Variants in ARHGEF10 observed in about 807,000 individuals in gnomAD.
ARHGEF10 encodes the protein Rho guanine nucleotide exchange factor (GEF) 10.
In ARHGEF10, 140 loss-of-function variants were observed where a neutral mutation model predicts 147.4. The observed-to-expected ratio is 0.95, with a 90% CI of 0.83 to 1.09. The LOEUF (loss-of-function observed/expected upper bound fraction) is 1.09, where lower values mean the gene tolerates loss of function less well. Among genes scored for constraint, ARHGEF10 ranks in the 50% least tolerant of loss-of-function variants. The pLI is 0.00. For missense variants in ARHGEF10, 2,222 were observed against 1,752.7 expected, an observed-to-expected ratio of 1.27 and a Z score of -4.78; for synonymous variants, 902 against 695.8, an observed-to-expected ratio of 1.30 and a Z score of -4.67.
In ARHGEF10 at chr8:1,894,417, A is replaced by G; in HGVS notation, c.1285A>G (p.Met429Val). Residue 429 changes from methionine to valine, a missense_variant, in exon 13 of 29, where the codon ATG becomes GTG. By Grantham distance (21) the Met-to-Val change is conservative. Coordinates refer to ENST00000349830, the MANE Select transcript of ARHGEF10 (RefSeq NM_014629.4). The stretch of plus-strand genomic sequence containing the variant: ...GCAATATGAGAAGCCGCTGTCTGAG[A>G]TGGAGCCAAAGGTTCTGAGTGAGAG... ...LEQYEKPLSE[M>V]EPKVLSERKL... The G allele has an allele frequency of 1.2e-6, 2 of 1,614,220 alleles. No individual in the cohort carries two copies. Among genetic ancestry groups the G allele is most frequent in the Non-Finnish European group, 1.7e-6 (2 of 1,180,042 alleles).
At chr8:1,901,356 G>C (rs977109314) in intron 15 of ARHGEF10, among the ~76,000 whole-genome samples, 1 of 152,104 alleles carries the variant, frequency 6.6e-6, no homozygotes, top group African/African-American at 2.4e-5. Context: ...CGTTCTTCCT[G>C]GTTAGTGCTC....
intron 1 of ARHGEF10, among the ~76,000 whole-genome samples, chr8:1,837,497 T>C (rs1056977181): frequency 4.6e-5 from 7 of 152,082 alleles, no homozygotes; most frequent in Non-Finnish European, 4.4e-5. Context: ...ACAAATAGCA[T>C]GAATGAGATT....
At chr8:1,825,587 A>T (rs1802725404) in intron 1 of ARHGEF10, among the ~76,000 whole-genome samples, 1 of 149,928 alleles carries the variant, frequency 6.7e-6, no homozygotes, top group Non-Finnish European at 1.5e-5. Flanking sequence ...CCCTAGGTCC[A>T]CAGACGCCCT....
intron 16 of ARHGEF10, among the ~76,000 whole-genome samples, chr8:1,905,041 A>T (rs1810772725): frequency 6.6e-6 from 1 of 152,168 alleles, no homozygotes; most frequent in Non-Finnish European, 1.5e-5. Context: ...AGGCACGAGA[A>T]TCAATTGAAC....
At chr8:1,933,172 G>C (rs1185306175) in intron 25 of ARHGEF10, among the ~76,000 whole-genome samples, 1 of 152,134 alleles carries the variant, frequency 6.6e-6, no homozygotes, top group Non-Finnish European at 1.5e-5. Context: ...TCAAAAGTAA[G>C]GAATTCCTTT....
Position 1,898,452 on chromosome 8 carries a change from C to T in ARHGEF10, c.1577C>T (p.Pro526Leu). The T allele has an allele frequency of 6.2e-7, 1 of 1,614,044 alleles. No homozygotes were observed. Among genetic ancestry groups the T allele is most frequent in the Non-Finnish European group, 8.5e-7 (1 of 1,179,992 alleles). The change falls in exon 15 of 29, where the codon CCC becomes CTC. Residue 526 changes from proline (P) to leucine (L), a missense_variant. Transcript: ENST00000349830. The stretch of plus-strand genomic sequence containing the variant: ...CCACAGCAGGAACAGGAGGCCAGCC[C>T]CGATCGAACCACGCTCTACAGCCTG... ...EFLKQEQEAS[P>L]DRTTLYSLMM...
At chr8:1,933,193 T>G (rs1813289775) in intron 25 of ARHGEF10, among the ~76,000 whole-genome samples, 1 of 152,234 alleles carries the variant, frequency 6.6e-6, no homozygotes, top group African/African-American at 2.4e-5. Flanking sequence ...TACCTCAATT[T>G]TGATTTCTTA....
At chr8:1,912,529 T>G (rs1467254388) in intron 18 of ARHGEF10, among the ~76,000 whole-genome samples, 1 of 151,928 alleles carries the variant, frequency 6.6e-6, no homozygotes, top group East Asian at 1.9e-4. Flanking sequence ...CCGTGTGGAT[T>G]GTGGGTTTGC....
At chr8:1,837,930 C>T (rs770765507) in intron 1 of ARHGEF10, among the ~76,000 whole-genome samples, 1 of 152,202 alleles carries the variant, frequency 6.6e-6, no homozygotes. Context: ...TCCTCACTCT[C>T]ACAGGTGCTC....
At chr8:1,865,667 A>T (rs1298090569) in intron 5 of ARHGEF10, among the ~76,000 whole-genome samples, 1 of 152,158 alleles carries the variant, frequency 6.6e-6, no homozygotes, top group Non-Finnish European at 1.5e-5. Flanking sequence ...GGCCTGTTAG[A>T]GCTTTTGCTT....
At chr8:1,824,611 C>T (rs1352570580) in intron 1 of ARHGEF10, among the ~76,000 whole-genome samples, 30 of 142,638 alleles carry the variant, frequency 2.1e-4, no homozygotes, top group Admixed American at 2.0e-3. Flanking sequence ...CCTCAGCACC[C>T]CCTGTTCACT....
chr8:1,952,796 CCCA>C lies in ARHGEF10; in HGVS notation c.3491_3493del (p.Pro1164del), dbSNP rs1563335217. The C allele has an allele frequency of 2.5e-6, 4 of 1,613,860 alleles. No homozygotes were observed. In the South Asian group the frequency reaches 3.3e-5, roughly 13 times the overall value. On this transcript the variant is annotated inframe_deletion, in exon 28 of 29. Coordinates refer to ENST00000349830, the MANE Select transcript of ARHGEF10 (RefSeq NM_014629.4). ...TGGGAGTCCTCGTGGCCCTGCCGGTCCCACGTCTGCAAGGGATTCCCAAAGTGA... is the reference window on the plus strand; with the variant it reads ...TGGGAGTCCTCGTGGCCCTGCCGGTCCGTCTGCAAGGGATTCCCAAAGTGA...
At chr8:1,836,692 C>T (rs377396083) in intron 1 of ARHGEF10, among the ~76,000 whole-genome samples, 52 of 152,210 alleles carry the variant, frequency 3.4e-4, no homozygotes, top group African/African-American at 1.1e-3. Context: ...GAAACAAAGG[C>T]GTGGTTTCTG....
chr8:1,841,844 TGGGGCCGCGG>T (rs1804068105), intron 1 of ARHGEF10, among the ~76,000 whole-genome samples: 1 of 111,564 alleles, frequency 9.0e-6, no homozygotes. Flanking sequence ...CGACGGGAAC[TGGGGCCGCGG>T]CGGGAACTGG....
At chr8:1,928,823 A>G (rs1040959807) in intron 24 of ARHGEF10, among the ~76,000 whole-genome samples, 173 bp downstream of exon 24, 3 of 152,152 alleles carry the variant, frequency 2.0e-5, no homozygotes, top group Admixed American at 6.5e-5. Flanking sequence ...TAACTAGTGA[A>G]TTGGGCCCAT....
chr8:1,957,029 C>T lies in ARHGEF10; in HGVS notation c.3801C>T (p.His1267=), dbSNP rs747314935. The part of the protein sequence containing the change: ...SSSSGSLSLS[H]GSSSLEHRSE... ...CATCTGGGTCCCTGAGCTTGTCTCA[C>T]GGCTCCAGCTCTCTAGAGCACAGAT... The change falls in exon 29 of 29, where the codon CAC becomes CAT. Residue 1267 remains histidine, a synonymous_variant. Transcript: ENST00000349830. 56 of 1,613,986 alleles carry T rather than the reference C, an allele frequency of 3.5e-5. No individual in the cohort carries two copies. The highest frequency in any genetic ancestry group is 4.1e-5 in the Non-Finnish European group (48 of 1,180,030).
chr8:1,860,027 C>A lies in ARHGEF10; in HGVS notation c.324C>A (p.Pro108=). The change falls in exon 4 of 29, where the codon CCC becomes CCA. Residue 108 remains proline, a synonymous_variant. Coordinates refer to ENST00000349830, the MANE Select transcript of ARHGEF10 (RefSeq NM_014629.4). ...TCCAGGAGGACCAGCCGCCCACCCC[C>A]GTGCCCAGCGCTGAGGAGGAGAATG... ...TPFQEDQPPT[P]VPSAEEENVG... is the part of the protein sequence containing the mutation. 3 of 1,614,132 alleles carry A rather than the reference C, an allele frequency of 1.9e-6. No homozygotes were observed. The highest frequency in any genetic ancestry group is 1.7e-4 in the Middle Eastern group (1 of 6,054).
intron 17 of ARHGEF10, among the ~76,000 whole-genome samples, chr8:1,908,154 G>A (rs749772721): frequency 1.3e-5 from 2 of 151,926 alleles, no homozygotes; most frequent in Non-Finnish European, 2.9e-5. Context: ...GGGTGCAGAC[G>A]GGCTCCCAGC....
intron 7 of ARHGEF10, chr8:1,870,265 G>A (rs1048486875): frequency 1.2e-4 from 13 of 112,696 alleles, no homozygotes; most frequent in African/African-American, 3.8e-4. Flanking sequence ...TTTTTGCTAT[G>A]GATTGGTCCA....
Sources: allele counts gnomAD v4.1 joint callset (sites outside exome capture counted in the v4.1 genomes callset), GRCh38; gene constraint gnomAD v4.1.1; transcripts MANE v1.5; gene names NCBI Gene and HGNC (gene_info 2026-07-23, HGNC 2026-07-21).